COL4A3: variants seen among roughly 807,000 people sequenced by gnomAD.
COL4A3 encodes the protein collagen type IV alpha 3 chain, also known as collagen alpha-3(IV) chain.
In COL4A3, 135 loss-of-function variants were observed where a neutral mutation model predicts 217.4. The ratio of observed to expected loss-of-function variants is 0.62; its 90% CI spans 0.54 to 0.72. COL4A3 has a LOEUF of 0.72. Ranked by LOEUF, COL4A3 falls within the 30% of genes least tolerant of loss-of-function variation. COL4A3 has a pLI of 0.00. For synonymous variants in COL4A3, 690 were observed against 736.3 expected (o/e 0.94, Z 1.02); for missense variants, 1,868 against 2,119.9 (o/e 0.88, Z 2.33).
In COL4A3 at chr2:227,266,510, G is replaced by C. The variant is rs1185847791; in HGVS notation, c.1408+1G>C. 2.5e-6 allele frequency: 4 copies of C among 1,611,644 alleles called. No homozygotes were observed. The highest frequency in any genetic ancestry group is 3.3e-5 in the Admixed American group (2 of 59,956). On this transcript the variant is annotated splice_donor_variant, in intron 22 of 51. Transcript: ENST00000396578. LOFTEE classifies it high-confidence loss of function. ...ATCCCAGGAGTTGATGGGCCCAAAG[G>C]TTGGTTCAATCAATAATGTTGTATT...
At chr2:227,225,637 A>ATT (rs573522861) in intron 1 of COL4A3, among the ~76,000 whole-genome samples, 2 of 146,394 alleles carry the variant, frequency 1.4e-5, no homozygotes, top group African/African-American at 2.5e-5. Context: ...CGAGGTAGAG[A>ATT]TTTTTTTTTT....
At chr2:227,307,989 T>C in intron 48 of COL4A3, 70 bp downstream of exon 48, 1 of 1,372,356 alleles carries the variant, frequency 7.3e-7, no homozygotes, top group Non-Finnish European at 1.0e-6. Context: ...TAGCCTAGGA[T>C]GCTTCCCTCT....
intron 30 of COL4A3, 22 bp from the exon 31 acceptor site, chr2:227,280,871 A>G (rs980145384): frequency 6.6e-7 from 1 of 1,503,938 alleles, no homozygotes; most frequent in African/African-American, 1.4e-5. Flanking sequence ...ACCTGGGTAT[A>G]TACTTGTGCT....
Position 227,246,734 on chromosome 2 carries a change from T to C in COL4A3, c.437T>C (p.Ile146Thr). The C allele has an allele frequency of 6.2e-7, 1 of 1,611,798 alleles. No homozygotes were observed. The highest frequency in any genetic ancestry group is 8.5e-7 in the Non-Finnish European group (1 of 1,178,048). ...GLPGTLGYPGIPGAAGLKGQK... is the reference protein window; with the variant it reads ...GLPGTLGYPGTPGAAGLKGQK... The stretch of plus-strand genomic sequence containing the variant: ...CCAGGGACACTGGGCTACCCAGGGA[T>C]CCCGGTAGGTTTGCATGCCTAATTC... The change falls in exon 7 of 52, where the codon ATC (isoleucine) becomes ACC (threonine). Residue 146 changes from isoleucine to threonine, a missense_variant. Transcript: ENST00000396578.
At position 227,299,319 on chromosome 2, in the gene COL4A3, C is replaced by T. The variant is rs570923163; in HGVS notation, c.3882+507C>T. Among the ~76,000 whole-genome samples the T allele has an allele frequency of 3.3e-5, 5 of 152,230 alleles. No individual in the cohort carries two copies. The East Asian group carries it at 5.8e-4, about 18-fold the overall frequency. On this transcript the variant is annotated intron_variant, in intron 43 of 51. Transcript: ENST00000396578. ...CTGAGGCAGGAGAATGGCGTGAACCCGGGAGGCGGAGCTTGCAGTGAGCCG... is the reference window on the plus strand; with the variant it reads ...CTGAGGCAGGAGAATGGCGTGAACCTGGGAGGCGGAGCTTGCAGTGAGCCG...
Position 227,310,902 on chromosome 2 carries a change from T to A in COL4A3, c.4882T>A (p.Ser1628Thr), listed in dbSNP as rs773905198. ...AGGAACGTGCAACTACTATTCAAAT[T>A]CCTACAGTTTCTGGCTGGCTTCATT... is the stretch of plus-strand genomic sequence containing the variant. Reference protein sequence around the residue: ...GRGTCNYYSNSYSFWLASLNP... With the variant: ...GRGTCNYYSNTYSFWLASLNP... Residue 1628 changes from serine (S) to threonine (T), a missense_variant, in exon 51 of 52, where the codon TCC (serine) becomes ACC (threonine). Around this residue, in one of 2 missense-constraint regions of COL4A3, gnomAD observed 1,503 missense variants for 1,786.1 expected, o/e 0.84. Transcript: ENST00000396578. 9.9e-6 allele frequency: 16 copies of A among 1,614,098 alleles called. No individual in the cohort carries two copies. Among genetic ancestry groups the A allele is most frequent in the Non-Finnish European group, 1.4e-5 (16 of 1,180,032 alleles).
intron 31 of COL4A3, among the ~76,000 whole-genome samples, chr2:227,281,297 T>C (rs1439749610): frequency 1.3e-5 from 2 of 152,320 alleles, no homozygotes; most frequent in East Asian, 3.9e-4. Flanking sequence ...CATATATTTA[T>C]ATACATATTA....
Position 227,250,573 on chromosome 2 carries a change from A to G in COL4A3, c.547-567A>G, listed in dbSNP as rs2069680139. Among the ~76,000 whole-genome samples, 1 of 152,130 alleles carries G rather than the reference A, an allele frequency of 6.6e-6. No individual in the cohort carries two copies. On this transcript the variant is annotated intron_variant, in intron 9 of 51. Coordinates refer to ENST00000396578, the MANE Select transcript of COL4A3 (RefSeq NM_000091.5). The surrounding 1 kb of genome is among the most constrained non-coding windows in gnomAD (Gnocchi z 4.1). Reference sequence around the variant, plus strand: ...CTTACATTCTCATGGGGGAAACAAAAGCGTGTAAATGAGTAACTCTATGGT... The same window carrying G: ...CTTACATTCTCATGGGGGAAACAAAGGCGTGTAAATGAGTAACTCTATGGT...
chr2:227,256,510 AT>A (rs1447977307), intron 17 of COL4A3, 114 bp downstream of exon 17: 7 of 870,676 alleles, frequency 8.0e-6, no homozygotes, highest in Non-Finnish European at 1.4e-5. Flanking sequence ...CTTCATTCAA[AT>A]ACCCTACTAG....
At chr2:227,280,706 C>A (rs1227005558) in intron 30 of COL4A3, 116 bp downstream of exon 30, 13 of 1,272,006 alleles carry the variant, frequency 1.0e-5, no homozygotes, top group South Asian at 2.4e-5. Flanking sequence ...TCCTGCCCTA[C>A]CTTTCTTCCT....
At chr2:227,230,311 A>G (rs1476000765) in intron 1 of COL4A3, among the ~76,000 whole-genome samples, 1 of 152,232 alleles carries the variant, frequency 6.6e-6, no homozygotes, top group Non-Finnish European at 1.5e-5. Context: ...GTGCTAAAAC[A>G]TCATGTAATC....
At chr2:227,233,587 A>C (rs1346868206) in intron 1 of COL4A3, among the ~76,000 whole-genome samples, 3 of 152,256 alleles carry the variant, frequency 2.0e-5, no homozygotes, top group Non-Finnish European at 4.4e-5. Flanking sequence ...ATCATATAGA[A>C]ATTCTACCTT....
At chr2:227,228,500 C>T (rs1372329786) in intron 1 of COL4A3, 1 of 152,284 alleles carries the variant, frequency 6.6e-6, no homozygotes, top group Non-Finnish European at 1.5e-5. Context: ...AGGGTGTTAA[C>T]CAGCTGTGAA....
chr2:227,303,809 G>A (rs1415768712), intron 44 of COL4A3, 50 bp from the exon 45 acceptor site: 10 of 1,561,012 alleles, frequency 6.4e-6, no homozygotes, highest in Non-Finnish European at 7.9e-6. Flanking sequence ...GAAGAACTAG[G>A]AAACCCATTG....
In COL4A3 at chr2:227,312,541, G is replaced by T. The variant is rs2073780414; in HGVS notation, c.*671G>T. The T allele has an allele frequency of 6.6e-6, 1 of 152,152 alleles. No homozygotes were observed. Among genetic ancestry groups the T allele is most frequent in the African/African-American group, 2.4e-5 (1 of 41,424 alleles). The allele number at this position is 152,152 out of a possible 1,614,324, so 9.4% of individuals were successfully genotyped here. ...TTGTTTTGTTTTGTTGGTTTTTAAA[G>T]ATTTTTGTTTGTTTATTGAATTCAT... On this transcript the variant is annotated 3_prime_UTR_variant, in exon 52 of 52. Transcript: ENST00000396578.
intron 34 of COL4A3, among the ~76,000 whole-genome samples, chr2:227,286,471 G>C (rs2072332070): frequency 6.6e-6 from 1 of 152,002 alleles, no homozygotes; most frequent in South Asian, 2.1e-4. Context: ...CTCCAACCTG[G>C]GCAACAGAGT....
intron 1 of COL4A3, among the ~76,000 whole-genome samples, chr2:227,226,854 T>G (rs760313502): frequency 4.6e-5 from 7 of 152,202 alleles, no homozygotes; most frequent in Non-Finnish European, 8.8e-5. Flanking sequence ...ACCAAGCTTT[T>G]CCCATAAAGA....
chr2:227,195,988 GAGAA>G (rs1303217707), intron 1 of COL4A3, among the ~76,000 whole-genome samples: 1 of 151,994 alleles, frequency 6.6e-6, no homozygotes, highest in Non-Finnish European at 1.5e-5. Context: ...TAAGGATAAA[GAGAA>G]AGAAAATATT....
intron 1 of COL4A3, among the ~76,000 whole-genome samples, chr2:227,208,759 G>T (rs2067195013): frequency 1.5e-5 from 2 of 134,312 alleles, no homozygotes; most frequent in East Asian, 2.3e-4. Context: ...CCATTAGGCG[G>T]TTGGTTACAC....
Sources: allele counts gnomAD v4.1 joint callset (sites outside exome capture counted in the v4.1 genomes callset), GRCh38; gene constraint gnomAD v4.1.1; regional missense constraint gnomAD v4.1.1; non-coding constraint Gnocchi (gnomAD v3.1); transcripts MANE v1.5; gene names NCBI Gene and HGNC (gene_info 2026-07-23, HGNC 2026-07-21).